Variants in ARFGAP3 observed in about 807,000 individuals in gnomAD.
The protein encoded by ARFGAP3 is ADP-ribosylation factor GTPase-activating protein 3.
In ARFGAP3, 72 loss-of-function variants were observed where a neutral mutation model predicts 75.0. That is an observed-to-expected ratio of 0.96 (90% confidence interval 0.79 to 1.17). ARFGAP3 has a LOEUF of 1.17. Ranked by LOEUF, ARFGAP3 falls within the 50% of genes most tolerant of loss-of-function variation. The pLI is 0.00. For synonymous variants in ARFGAP3, 221 were observed against 217.9 expected (o/e 1.01, Z -0.13); for missense variants, 620 against 626.6 (o/e 0.99, Z 0.11).
chr22:42,807,261 C>T, intron 13 of ARFGAP3, 98 bp from the exon 14 acceptor site: 1 of 1,475,680 alleles, frequency 6.8e-7, no homozygotes, highest in Non-Finnish European at 9.0e-7. Context: ...AGTGTTTGAC[C>T]CCCAGGCTCT....
Position 42,817,203 on chromosome 22 carries a change from C to T in ARFGAP3, c.1003G>A (p.Ala335Thr), listed in dbSNP as rs1925614090. The T allele has an allele frequency of 1.2e-6, 2 of 1,613,364 alleles. No individual in the cohort carries two copies. Among genetic ancestry groups the T allele is most frequent in the Admixed American group, 1.7e-5 (1 of 59,968 alleles). Residue 335 changes from alanine (A) to threonine (T), a missense_variant, in exon 11 of 16, where the codon GCA (alanine) becomes ACA (threonine). Coordinates refer to ENST00000263245, the MANE Select transcript of ARFGAP3 (RefSeq NM_014570.5). ...QTIEQESPIM[A>T]KPRKKYNDDS... ...TCATTATACTTTTTTCTTGGTTTTG[C>T]CATAATGGGTGATTCCTGCTCTATG...
chr22:42,842,637 C>T (rs1312748583), intron 2 of ARFGAP3, among the ~76,000 whole-genome samples: 6 of 151,624 alleles, frequency 4.0e-5, no homozygotes, highest in Non-Finnish European at 8.8e-5. Context: ...TTAGTAGAGA[C>T]GGGGTTTTGC....
intron 9 of ARFGAP3, among the ~76,000 whole-genome samples, chr22:42,821,764 C>G (rs1297032391): frequency 2.0e-5 from 3 of 152,184 alleles, no homozygotes; most frequent in Admixed American, 1.3e-4. Context: ...AGTAGATTTG[C>G]TGGGTCACAT....
chr22:42,857,244 C>A lies in ARFGAP3; in HGVS notation c.-62G>T, dbSNP rs1268746149. ...ACCGGTAAGAGTCGACGAAAAGCGG[C>A]TACCGCCTCAGCAGGAGCGACGAGG... On this transcript the variant is annotated 5_prime_UTR_variant, in exon 1 of 16. Coordinates refer to ENST00000263245, the MANE Select transcript of ARFGAP3 (RefSeq NM_014570.5). 2.0e-6 allele frequency: 3 copies of A among 1,486,868 alleles called. No homozygotes were observed. The highest frequency in any genetic ancestry group is 2.3e-5 in the Admixed American group (1 of 44,400). The allele number at this position is 1,486,868 out of a possible 1,614,324, so 92.1% of individuals were successfully genotyped here.
chr22:42,856,762 G>A (rs1408520394), intron 1 of ARFGAP3, among the ~76,000 whole-genome samples: 1 of 151,690 alleles, frequency 6.6e-6, no homozygotes, highest in Non-Finnish European at 1.5e-5. Flanking sequence ...TTCCGAGCCG[G>A]GAGCTCCCTC....
intron 1 of ARFGAP3, among the ~76,000 whole-genome samples, chr22:42,849,749 G>T (rs971295096): frequency 6.6e-6 from 1 of 151,796 alleles, no homozygotes; most frequent in East Asian, 1.9e-4. Context: ...TTGTAGAGAT[G>T]GGGGTCTTGC....
chr22:42,802,126 G>A (rs1924888943), intron 14 of ARFGAP3, among the ~76,000 whole-genome samples: 1 of 152,134 alleles, frequency 6.6e-6, no homozygotes, highest in East Asian at 1.9e-4. Flanking sequence ...GTGAGGAGAG[G>A]GGTGAGCAGC....
chr22:42,837,675 CTTTTTTTTTT>C (rs71186547), intron 3 of ARFGAP3, among the ~76,000 whole-genome samples: 7 of 75,662 alleles, frequency 9.3e-5, no homozygotes, highest in African/African-American at 1.2e-4. Flanking sequence ...AGGCATACTT[CTTTTTTTTTT>C]TTTTTTTTTT....
chr22:42,833,959 G>A (rs1472910492), intron 5 of ARFGAP3, among the ~76,000 whole-genome samples: 4 of 152,138 alleles, frequency 2.6e-5, no homozygotes, highest in Non-Finnish European at 5.9e-5. Flanking sequence ...AGCTCTCAAG[G>A]ATGCTTGTCT....
At chr22:42,855,427 T>G (rs1182051879) in intron 1 of ARFGAP3, among the ~76,000 whole-genome samples, 3 of 152,240 alleles carry the variant, frequency 2.0e-5, no homozygotes, top group Non-Finnish European at 4.4e-5. Context: ...GGCTCACGCC[T>G]GTAATCCCAG....
Position 42,826,989 on chromosome 22 carries a change from C to CT in ARFGAP3, c.575dup (p.Gln193AlafsTer9), listed in dbSNP as rs770266453. The CT allele has an allele frequency of 2.5e-6, 4 of 1,613,198 alleles. No homozygotes were observed. The highest frequency in any genetic ancestry group is 3.4e-6 in the Non-Finnish European group (4 of 1,179,818). ...TAAGACCTTCCACACTTGGTCCTTGCTCTTGTCCACCTGAAAATTCAAAAC... is the reference window on the plus strand; with the variant it reads ...TAAGACCTTCCACACTTGGTCCTTGCTTCTTGTCCACCTGAAAATTCAAAAC... On this transcript the variant is annotated frameshift_variant, in exon 7 of 16. Coordinates refer to ENST00000263245, the MANE Select transcript of ARFGAP3 (RefSeq NM_014570.5). LOFTEE classifies it high-confidence loss of function.
At chr22:42,856,228 C>T (rs1246975478) in intron 1 of ARFGAP3, among the ~76,000 whole-genome samples, 1 of 152,182 alleles carries the variant, frequency 6.6e-6, no homozygotes, top group East Asian at 1.9e-4. Flanking sequence ...TTAAAACCAA[C>T]AGAAACACCT....
At chr22:42,838,234 T>G (rs1389611234) in intron 3 of ARFGAP3, among the ~76,000 whole-genome samples, 5 of 150,948 alleles carry the variant, frequency 3.3e-5, no homozygotes, top group Non-Finnish European at 5.9e-5. Context: ...ATTTTAGACC[T>G]CTGACTTTAA....
chr22:42,845,874 C>T (rs893672459), intron 2 of ARFGAP3, among the ~76,000 whole-genome samples: 29 of 151,884 alleles, frequency 1.9e-4, no homozygotes, highest in African/African-American at 7.0e-4. Flanking sequence ...CCCATCTCTA[C>T]TAAATATACA....
intron 6 of ARFGAP3, among the ~76,000 whole-genome samples, chr22:42,829,348 A>G (rs962568919): frequency 6.6e-6 from 1 of 152,222 alleles, no homozygotes; most frequent in Non-Finnish European, 1.5e-5. Flanking sequence ...GAACCCCAAC[A>G]AAGAGGCAAC....
At chr22:42,838,110 C>T (rs1364741916) in intron 3 of ARFGAP3, among the ~76,000 whole-genome samples, 1 of 151,804 alleles carries the variant, frequency 6.6e-6, no homozygotes, top group Non-Finnish European at 1.5e-5. Flanking sequence ...TTTAATTTAT[C>T]TCATTAGGGA....
In ARFGAP3 at chr22:42,840,993, C is replaced by T. The variant is rs1926757643; in HGVS notation, c.212G>A (p.Trp71Ter). Residue 71 changes from tryptophan (W) to a stop codon, truncating the protein, a stop_gained, in exon 3 of 16, where the codon TGG becomes TAG. Transcript: ENST00000263245. LOFTEE classifies it high-confidence loss of function. ...FIRSTELDSNWSWFQLRCMQV... is the reference protein window; with the variant it reads ...FIRSTELDSN ...CATGCATCGCAACTGAAACCATGACCAGTTGGAATCCAACTCTGTAGATCT... is the reference window on the plus strand; with the variant it reads ...CATGCATCGCAACTGAAACCATGACTAGTTGGAATCCAACTCTGTAGATCT... The T allele has an allele frequency of 6.2e-7, 1 of 1,614,072 alleles. No individual in the cohort carries two copies. Among genetic ancestry groups the T allele is most frequent in the South Asian group, 1.1e-5 (1 of 91,066 alleles).
At chr22:42,824,031 CTTT>C (rs71186543) in intron 7 of ARFGAP3, among the ~76,000 whole-genome samples, 2 of 143,552 alleles carry the variant, frequency 1.4e-5, no homozygotes, top group Non-Finnish European at 1.5e-5. Flanking sequence ...ATTACAACAA[CTTT>C]TTTTTTTTTT....
At chr22:42,801,253 T>G (rs1924846325) in intron 14 of ARFGAP3, among the ~76,000 whole-genome samples, 1 of 152,196 alleles carries the variant, frequency 6.6e-6, no homozygotes, top group Non-Finnish European at 1.5e-5. Flanking sequence ...ATTAAGGATG[T>G]TTCCCAGGTT....
Sources: allele counts gnomAD v4.1 joint callset (sites outside exome capture counted in the v4.1 genomes callset), GRCh38; gene constraint gnomAD v4.1.1; transcripts MANE v1.5; gene names NCBI Gene and HGNC (gene_info 2026-07-23, HGNC 2026-07-21).